CYTH2: variants seen among roughly 807,000 people sequenced by gnomAD.
CYTH2 encodes cytohesin-2.
Under a neutral mutation model 55.4 loss-of-function variants are expected in CYTH2, and 24 were observed. The ratio of observed to expected loss-of-function variants is 0.43; its 90% CI spans 0.31 to 0.61. The LOEUF (loss-of-function observed/expected upper bound fraction) is 0.61. CYTH2 is among the 20% of genes least tolerant of loss of function. CYTH2 has a pLI of 0.08. For missense variants in CYTH2, 378 were observed against 533.5 expected (o/e 0.71, Z 2.87); for synonymous variants, 221 against 209.6 (o/e 1.05, Z -0.47).
At chr19:48,470,108 C>T in intron 1 of CYTH2, 2 of 702,210 alleles carry the variant, frequency 2.8e-6, no homozygotes, top group Middle Eastern at 4.7e-4. Context: ...CTCAGGCACC[C>T]ATTCCCCTTC....
intron 3 of CYTH2, 151 bp from the exon 4 acceptor site, chr19:48,472,174 G>A (rs1971811170): frequency 1.5e-6 from 1 of 658,612 alleles, no homozygotes; most frequent in African/African-American, 1.8e-5. Flanking sequence ...GAGTTGGGAA[G>A]AATGCTATTT....
intron 4 of CYTH2, chr19:48,473,036 T>C: frequency 2.2e-6 from 1 of 458,888 alleles, no homozygotes; most frequent in Non-Finnish European, 4.0e-6. Flanking sequence ...GTAGGTAGCA[T>C]ACATGTTTGC....
At position 48,470,080 on chromosome 19, in the gene CYTH2, T is replaced by C. The variant is rs182035618; in HGVS notation, c.20-273T>C. The C allele has an allele frequency of 9.1e-4, 602 of 662,946 alleles. 4 individuals are homozygous for C. The Admixed American group carries it at 0.012, about 13-fold the overall frequency. 41.1% of individuals were successfully genotyped at this position (662,946 alleles called of 1,614,324 possible). A position where few individuals can be genotyped will look rare whatever the true frequency, so the allele number is the denominator to read the frequency against. On this transcript the variant is annotated intron_variant, in intron 1 of 11. Coordinates refer to ENST00000452733, the MANE Select transcript of CYTH2 (RefSeq NM_004228.7). ...AGAAGCCGAGGCCCCCAGCCCTTTC[T>C]TCCCTCAGATCTAAGAGCTCAGGCA...
At position 48,480,873 on chromosome 19, in the gene CYTH2, C is replaced by G. The variant is rs1183721143; in HGVS notation, c.*1663C>G. 6.6e-6 allele frequency: 1 copy of G among 152,218 alleles called. No homozygotes were observed. Among genetic ancestry groups the G allele is most frequent in the Non-Finnish European group, 1.5e-5 (1 of 68,046 alleles). The allele number at this position is 152,218 out of a possible 1,614,324, so 9.4% of individuals were successfully genotyped here. Reference sequence around the variant, plus strand: ...CTCCCCGGATGAACTGCATGCAGGGCGGCCGGCTCCGTGGCAGGCAGAGGC... The same window carrying G: ...CTCCCCGGATGAACTGCATGCAGGGGGGCCGGCTCCGTGGCAGGCAGAGGC... On this transcript the variant is annotated 3_prime_UTR_variant, in exon 12 of 12. Coordinates refer to ENST00000452733, the MANE Select transcript of CYTH2 (RefSeq NM_004228.7).
rs10401164 is a variant in CYTH2, at chr19:48,478,548, G to A, written c.1068G>A (p.Ser356=). The A allele has an allele frequency of 4.3e-6, 7 of 1,613,728 alleles. No individual in the cohort carries two copies. Among genetic ancestry groups the A allele is most frequent in the African/African-American group, 2.7e-5 (2 of 74,908 alleles). Residue 356 remains serine, a synonymous_variant, in exon 11 of 12, where the codon TCG becomes TCA. Coordinates refer to ENST00000452733, the MANE Select transcript of CYTH2 (RefSeq NM_004228.7). ...VEGNHMVYRI[S]APTQEEKDEW... ...GAAACCACATGGTGTACCGGATCTC[G>A]GCCCCCACGCAGGAGGAGAAGGACG...
Position 48,469,390 on chromosome 19 carries a change from G to A in CYTH2, c.-118G>A. 1 of 1,174,822 alleles carries A rather than the reference G, an allele frequency of 8.5e-7. No homozygotes were observed. Among genetic ancestry groups the A allele is most frequent in the Non-Finnish European group, 1.1e-6 (1 of 909,636 alleles). The allele number at this position is 1,174,822 out of a possible 1,614,324, so 72.8% of individuals were successfully genotyped here. A position where few individuals can be genotyped will look rare whatever the true frequency, so the allele number is the denominator to read the frequency against. The stretch of plus-strand genomic sequence containing the variant: ...TTTCAGCGCTGAGGACTGGCGCTGA[G>A]GAGGCGGCGGTGGCTCCCGGGGCGT... On this transcript the variant is annotated 5_prime_UTR_variant, in exon 1 of 12. Transcript: ENST00000452733.
At position 48,479,665 on chromosome 19, in the gene CYTH2, GC is replaced by G; in HGVS notation, c.*457del. ...CATTCATTCTAGAAGTTACTTGACA[GC>G]CATCAGCCAGTTACGCTACAGCCAT... On this transcript the variant is annotated 3_prime_UTR_variant, in exon 12 of 12. Coordinates refer to ENST00000452733, the MANE Select transcript of CYTH2 (RefSeq NM_004228.7). 6.1e-6 allele frequency: 1 copy of G among 165,222 alleles called. No individual in the cohort carries two copies. Among genetic ancestry groups the G allele is most frequent in the South Asian group, 1.5e-4 (1 of 6,520 alleles). 10.2% of individuals were successfully genotyped at this position (165,222 alleles called of 1,614,324 possible).
chr19:48,478,592 A>G lies in CYTH2; in HGVS notation c.1112A>G (p.Gln371Arg), dbSNP rs201559477. 241 of 1,605,624 alleles carry G rather than the reference A, an allele frequency of 1.5e-4. No homozygotes were observed. Among genetic ancestry groups the G allele is most frequent in the Non-Finnish European group, 1.4e-4 (166 of 1,175,094 alleles). The change falls in exon 11 of 12, where the codon CAG (glutamine) becomes CGG (arginine). Residue 371 changes from glutamine to arginine, a missense_variant and splice_region_variant. By Grantham distance (43) the Gln-to-Arg change is conservative. Transcript: ENST00000452733. The part of the protein sequence containing the change: ...EEKDEWIKSI[Q>R]AAVSVDPFYE... Reference sequence around the variant, plus strand: ...AAGGACGAGTGGATCAAGTCCATCCAGTGAGCCTGGACTCCTGGGCCTGAT... The same window carrying G: ...AAGGACGAGTGGATCAAGTCCATCCGGTGAGCCTGGACTCCTGGGCCTGAT...
chr19:48,469,569 G>T, intron 1 of CYTH2, 43 bp downstream of exon 1: 1 of 1,320,024 alleles, frequency 7.6e-7, no homozygotes, highest in Non-Finnish European at 9.7e-7. Context: ...TTGCTGGAGC[G>T]TTTTCTCCTG....
At chr19:48,470,083 C>T (rs750854434) in intron 1 of CYTH2, 7 of 665,602 alleles carry the variant, frequency 1.1e-5, no homozygotes, top group South Asian at 4.5e-5. Context: ...CCCTTTCTTC[C>T]CTCAGATCTA....
At chr19:48,471,168 G>A (rs537591027) in intron 3 of CYTH2, among the ~76,000 whole-genome samples, 4 of 151,962 alleles carry the variant, frequency 2.6e-5, no homozygotes, top group African/African-American at 9.7e-5. Flanking sequence ...CCTACTCTTT[G>A]TGTGTGTGTG....
chr19:48,469,461 C>T lies in CYTH2; in HGVS notation c.-47C>T, dbSNP rs1214694332. The T allele has an allele frequency of 1.5e-6, 2 of 1,319,568 alleles. No homozygotes were observed. Among genetic ancestry groups the T allele is most frequent in the Non-Finnish European group, 1.9e-6 (2 of 1,025,950 alleles). The allele number at this position is 1,319,568 out of a possible 1,614,324, so 81.7% of individuals were successfully genotyped here. A position where few individuals can be genotyped will look rare whatever the true frequency, so the allele number is the denominator to read the frequency against. On this transcript the variant is annotated 5_prime_UTR_variant, in exon 1 of 12. Transcript: ENST00000452733. ...CCGCGGGCCAACGCGGATCCAGGCCCGACTGGCGGGACCGCCCCGGATTCC... is the reference window on the plus strand; with the variant it reads ...CCGCGGGCCAACGCGGATCCAGGCCTGACTGGCGGGACCGCCCCGGATTCC...
intron 8 of CYTH2, chr19:48,476,056 G>C (rs760440880): frequency 1.9e-6 from 1 of 518,156 alleles, no homozygotes. Context: ...TGGCCTCTGA[G>C]TCTTGGGGGC....
chr19:48,470,727 G>T, intron 3 of CYTH2, 58 bp downstream of exon 3: 1 of 1,601,010 alleles, frequency 6.2e-7, no homozygotes, highest in Non-Finnish European at 8.6e-7. Context: ...GGGGCTTCTG[G>T]CACCTCCGGG....
chr19:48,472,218 C>A, intron 3 of CYTH2, 107 bp from the exon 4 acceptor site: 2 of 935,094 alleles, frequency 2.1e-6, no homozygotes, highest in South Asian at 1.4e-5. Context: ...TGAAACCTGG[C>A]CCTGGTCTGT....
At chr19:48,471,691 C>T (rs146025093) in intron 3 of CYTH2, among the ~76,000 whole-genome samples, 37 of 152,312 alleles carry the variant, frequency 2.4e-4, no homozygotes, top group African/African-American at 8.2e-4. Flanking sequence ...TGAAGGACTG[C>T]GTCTGCTAAC....
chr19:48,476,316 G>C (rs771363836), intron 8 of CYTH2: 1 of 212,866 alleles, frequency 4.7e-6, no homozygotes, highest in Non-Finnish European at 9.7e-6. Flanking sequence ...GATGTGGGAG[G>C]ATTGTTTGAG....
At chr19:48,472,636 G>A in intron 4 of CYTH2, 193 bp downstream of exon 4, 1 of 637,364 alleles carries the variant, frequency 1.6e-6, no homozygotes, top group Non-Finnish European at 2.9e-6. Context: ...GGCCAACCGA[G>A]AGCATCTGGG....
Position 48,470,407 on chromosome 19 carries a change from G to A in CYTH2, c.74G>A (p.Arg25Gln). The A allele has an allele frequency of 6.2e-7, 1 of 1,613,984 alleles. No homozygotes were observed. Among genetic ancestry groups the A allele is most frequent in the Non-Finnish European group, 8.5e-7 (1 of 1,179,996 alleles). Residue 25 changes from arginine to glutamine, a missense_variant, in exon 2 of 12, where the codon CGG becomes CAG. By Grantham distance (43) the Arg-to-Gln change is conservative (BLOSUM62 1). Transcript: ENST00000452733. Reference sequence around the variant, plus strand: ...ATGGAGCTGGAGAACATCCGGCGGCGGAAGCAGGAGCTGCTGGTGGAGATT... The same window carrying A: ...ATGGAGCTGGAGAACATCCGGCGGCAGAAGCAGGAGCTGCTGGTGGAGATT... ...ERMELENIRR[R>Q]KQELLVEIQR...
Sources: allele counts gnomAD v4.1 joint callset (sites outside exome capture counted in the v4.1 genomes callset), GRCh38; gene constraint gnomAD v4.1.1; transcripts MANE v1.5; gene names NCBI Gene and HGNC (gene_info 2026-07-23, HGNC 2026-07-21).